Variants in PTPRR observed in about 807,000 individuals in gnomAD.
The protein encoded by PTPRR is protein tyrosine phosphatase receptor type R, also known as receptor-type tyrosine-protein phosphatase R.
Under a neutral mutation model 77.2 loss-of-function variants are expected in PTPRR, and 38 were observed. That is an observed-to-expected ratio of 0.49 (90% confidence interval 0.38 to 0.65). PTPRR has a LOEUF of 0.65. Ranked by LOEUF, PTPRR falls within the 30% of genes least tolerant of loss-of-function variation. The pLI is 0.00. For missense variants in PTPRR, 744 were observed against 799.2 expected (o/e 0.93, Z 0.83); for synonymous variants, 299 against 283.1 (o/e 1.06, Z -0.57).
At chr12:70,775,254 G>A (rs1310348743) in intron 2 of PTPRR, among the ~76,000 whole-genome samples, 1 of 152,044 alleles carries the variant, frequency 6.6e-6, no homozygotes. Context: ...AATATACCAG[G>A]CCTCTGTCTT....
At chr12:70,791,188 T>G (rs2137009792) in intron 2 of PTPRR, among the ~76,000 whole-genome samples, 1 of 152,336 alleles carries the variant, frequency 6.6e-6, no homozygotes, top group East Asian at 1.9e-4. Context: ...AATTAGAATC[T>G]GACATGGTCC....
At chr12:70,870,081 T>C (rs1465036086) in intron 2 of PTPRR, among the ~76,000 whole-genome samples, 8 of 152,086 alleles carry the variant, frequency 5.3e-5, no homozygotes, top group Non-Finnish European at 1.2e-4. Flanking sequence ...TCCTTGACCC[T>C]GAAGGAAACT....
chr12:70,802,486 C>A (rs1374961690), intron 2 of PTPRR, among the ~76,000 whole-genome samples: 1 of 152,096 alleles, frequency 6.6e-6, no homozygotes, highest in Non-Finnish European at 1.5e-5. Flanking sequence ...AATGACAGGG[C>A]AGTGATTTTG....
chr12:70,867,619 A>G (rs1259793525), intron 2 of PTPRR, among the ~76,000 whole-genome samples: 2 of 151,770 alleles, frequency 1.3e-5, no homozygotes, highest in Non-Finnish European at 2.9e-5. Flanking sequence ...GCCCAAGGTA[A>G]TTTATAGATT....
chr12:70,780,802 C>T (rs1891188187), intron 2 of PTPRR, among the ~76,000 whole-genome samples: 1 of 152,156 alleles, frequency 6.6e-6, no homozygotes, highest in Non-Finnish European at 1.5e-5. Flanking sequence ...TCTTGTCAGT[C>T]TCCCTAGAAG....
At chr12:70,658,171 T>G (rs1285241606) in intron 12 of PTPRR, among the ~76,000 whole-genome samples, 1 of 152,224 alleles carries the variant, frequency 6.6e-6, no homozygotes, top group Non-Finnish European at 1.5e-5. Context: ...CGTCAATTGT[T>G]TGGGCTTTTG....
At chr12:70,668,030 T>C (rs1887074421) in intron 10 of PTPRR, among the ~76,000 whole-genome samples, 1 of 152,134 alleles carries the variant, frequency 6.6e-6, no homozygotes, top group South Asian at 2.1e-4. Flanking sequence ...TTTTAAAACC[T>C]GATCAAAATG....
chr12:70,665,364 CTTTTTTTTTTTTTTT>C (rs72472808), intron 10 of PTPRR, among the ~76,000 whole-genome samples: 66 of 44,604 alleles, frequency 1.5e-3, no homozygotes, highest in African/African-American at 2.6e-3. Context: ...AATGCAAATT[CTTTTTTTTTTTTTTT>C]TTTTTTTTTT....
intron 2 of PTPRR, among the ~76,000 whole-genome samples, chr12:70,787,898 ATAAAAT>A (rs1467337843): frequency 2.0e-5 from 3 of 152,196 alleles, no homozygotes; most frequent in East Asian, 3.8e-4. Context: ...AGGACCACAG[ATAAAAT>A]TAAAATTATC....
Position 70,785,168 on chromosome 12 carries a change from A to G in PTPRR, c.358-20390T>C, listed in dbSNP as rs139070992. Among the ~76,000 whole-genome samples, 20 of 152,056 alleles carry G rather than the reference A, an allele frequency of 1.3e-4. No individual in the cohort carries two copies. In the East Asian group the frequency reaches 3.5e-3, roughly 26 times the overall value. On this transcript the variant is annotated intron_variant, in intron 2 of 13. Coordinates refer to ENST00000283228, the MANE Select transcript of PTPRR (RefSeq NM_002849.4). ...ACTCAAATCCTAAATCATGTAGAAG[A>G]CTCTTTAAGGACATCTAATTAAATT...
chr12:70,871,324 C>T (rs961654961), intron 2 of PTPRR, among the ~76,000 whole-genome samples: 2 of 152,154 alleles, frequency 1.3e-5, no homozygotes, highest in Admixed American at 6.5e-5. Context: ...GCTGCTCATT[C>T]CACAAATCAC....
intron 2 of PTPRR, among the ~76,000 whole-genome samples, chr12:70,824,497 G>GA (rs2137044209): frequency 6.6e-6 from 1 of 152,246 alleles, no homozygotes; most frequent in South Asian, 2.1e-4. Flanking sequence ...AATTGTATTT[G>GA]ATTGTCTCAA....
intron 1 of PTPRR, among the ~76,000 whole-genome samples, chr12:70,911,404 A>C (rs1244416930): frequency 1.3e-5 from 2 of 152,132 alleles, no homozygotes; most frequent in East Asian, 3.9e-4. Context: ...TAGAGGGATT[A>C]ATTAGGAAGA....
intron 11 of PTPRR, among the ~76,000 whole-genome samples, chr12:70,662,182 A>G (rs1886822519): frequency 6.6e-6 from 1 of 152,204 alleles, no homozygotes; most frequent in Non-Finnish European, 1.5e-5. Flanking sequence ...ATCATGGTAA[A>G]GTCTCCAGCA....
At chr12:70,753,778 G>C (rs1890477515) in intron 5 of PTPRR, among the ~76,000 whole-genome samples, 1 of 152,028 alleles carries the variant, frequency 6.6e-6, no homozygotes, top group African/African-American at 2.4e-5. Context: ...CATTCCTTAG[G>C]GAGTAATCTT....
intron 2 of PTPRR, among the ~76,000 whole-genome samples, chr12:70,832,452 A>G (rs1892230129): frequency 6.6e-6 from 1 of 152,320 alleles, no homozygotes; most frequent in African/African-American, 2.4e-5. Context: ...AAAGGGAACT[A>G]GAGAGAACAT....
chr12:70,651,104 T>C (rs889286477), intron 13 of PTPRR, among the ~76,000 whole-genome samples: 1 of 152,232 alleles, frequency 6.6e-6, no homozygotes, highest in African/African-American at 2.4e-5. Flanking sequence ...TAGTGCCGCT[T>C]GCTTTCCCAA....
intron 2 of PTPRR, among the ~76,000 whole-genome samples, chr12:70,830,992 C>T (rs1025856247): frequency 1.3e-5 from 2 of 152,192 alleles, no homozygotes; most frequent in Admixed American, 1.3e-4. Flanking sequence ...ATATGTGCCA[C>T]TCTTAAAAGA....
At chr12:70,662,869 T>C (rs999442100) in intron 10 of PTPRR, among the ~76,000 whole-genome samples, 12 of 149,412 alleles carry the variant, frequency 8.0e-5, no homozygotes, top group African/African-American at 2.5e-4. Context: ...GCTGGCTCCA[T>C]ACAAAAAAAA....
Sources: allele counts gnomAD v4.1 joint callset (sites outside exome capture counted in the v4.1 genomes callset), GRCh38; gene constraint gnomAD v4.1.1; transcripts MANE v1.5; gene names NCBI Gene and HGNC (gene_info 2026-07-23, HGNC 2026-07-21).